The following NSG1 variants were observed in gnomAD, a reference collection of about 807,000 sequenced individuals.
NSG1 encodes neuronal vesicle trafficking-associated protein 1.
A neutral mutation model predicts 19.3 loss-of-function variants in NSG1; 9 were observed. The observed-to-expected ratio is 0.47, with a 90% CI of 0.28 to 0.81. The LOEUF is 0.81. Among genes scored for constraint, NSG1 ranks in the 40% least tolerant of loss-of-function variants. The pLI, the probability that NSG1 is intolerant of heterozygous loss-of-function variation, is 0.11. For synonymous variants in NSG1, 104 were observed against 107.0 expected (o/e 0.97, Z 0.17); for missense variants, 236 against 242.4 (o/e 0.97, Z 0.18).
chr4:4,392,379 A>T (rs1209031183), intron 3 of NSG1, among the ~76,000 whole-genome samples: 1 of 152,118 alleles, frequency 6.6e-6, no homozygotes, highest in Admixed American at 6.5e-5. Flanking sequence ...GAATTGAGAG[A>T]CATCAGTGGG....
At chr4:4,392,987 C>G (rs1302736641) in intron 3 of NSG1, among the ~76,000 whole-genome samples, 1 of 152,144 alleles carries the variant, frequency 6.6e-6, no homozygotes, top group African/African-American at 2.4e-5. Context: ...CAATACCTGT[C>G]TTCTGCGCTG....
At chr4:4,406,058 C>T (rs185088515) in intron 3 of NSG1, among the ~76,000 whole-genome samples, 193 of 152,286 alleles carry the variant, frequency 1.3e-3, no homozygotes, top group African/African-American at 4.5e-3. Flanking sequence ...GACGGAGTCT[C>T]ACTCTGTTGC....
At chr4:4,400,860 A>T (rs1415873238) in intron 3 of NSG1, among the ~76,000 whole-genome samples, 1 of 152,236 alleles carries the variant, frequency 6.6e-6, no homozygotes, top group Non-Finnish European at 1.5e-5. Flanking sequence ...TATCTATCAC[A>T]AATTTATATT....
chr4:4,410,220 G>C (rs1178033309), intron 4 of NSG1, among the ~76,000 whole-genome samples: 3 of 152,182 alleles, frequency 2.0e-5, no homozygotes. Context: ...AGCCACACTG[G>C]TGCTGGGCTC....
chr4:4,395,874 T>C (rs1338555377), intron 3 of NSG1, among the ~76,000 whole-genome samples: 2 of 152,242 alleles, frequency 1.3e-5, no homozygotes, highest in Non-Finnish European at 2.9e-5. Context: ...CTCATCTTTA[T>C]AGGCGTTTGG....
At chr4:4,390,676 A>G (rs1018682490) in intron 2 of NSG1, among the ~76,000 whole-genome samples, 1 of 152,170 alleles carries the variant, frequency 6.6e-6, no homozygotes, top group African/African-American at 2.4e-5. Context: ...CCTGCTCTTG[A>G]ACACCTCCCA....
intron 3 of NSG1, among the ~76,000 whole-genome samples, chr4:4,406,862 C>T (rs578082003): frequency 2.0e-5 from 3 of 152,334 alleles, no homozygotes; most frequent in African/African-American, 4.8e-5. Flanking sequence ...CGGCTATCAT[C>T]GCCAGGCAGC....
chr4:4,406,968 G>C (rs2108746523), intron 3 of NSG1, among the ~76,000 whole-genome samples: 1 of 152,356 alleles, frequency 6.6e-6, no homozygotes, highest in East Asian at 1.9e-4. Flanking sequence ...CTTCATCACA[G>C]CTCTGCGCTC....
upstream of NSG1, chr4:4,386,844 C>T (rs1303241264): frequency 6.6e-6 from 1 of 152,224 alleles, no homozygotes; most frequent in African/African-American, 2.4e-5. Context: ...GGCGCGTCCT[C>T]TCCCGCTCCC....
intron 3 of NSG1, among the ~76,000 whole-genome samples, chr4:4,395,700 C>T (rs989865356): frequency 2.6e-5 from 4 of 152,206 alleles, no homozygotes; most frequent in Non-Finnish European, 4.4e-5. Flanking sequence ...CCTCGTCCCA[C>T]TAGTGACTGG....
chr4:4,401,029 T>A (rs929437167), intron 3 of NSG1, among the ~76,000 whole-genome samples: 1 of 152,204 alleles, frequency 6.6e-6, no homozygotes, highest in Non-Finnish European at 1.5e-5. Flanking sequence ...CTGCACCCGC[T>A]GCTCCAGTGC....
At chr4:4,396,019 G>A (rs928814414) in intron 3 of NSG1, among the ~76,000 whole-genome samples, 6 of 152,178 alleles carry the variant, frequency 3.9e-5, no homozygotes, top group East Asian at 1.9e-4. Flanking sequence ...GAGAGACTCC[G>A]CCACACGGGA....
At chr4:4,400,295 C>T (rs192228320) in intron 3 of NSG1, among the ~76,000 whole-genome samples, 1 of 152,276 alleles carries the variant, frequency 6.6e-6, no homozygotes, top group Admixed American at 6.5e-5. Context: ...TTTCTGGACT[C>T]TCAATTGTAT....
intron 3 of NSG1, among the ~76,000 whole-genome samples, chr4:4,406,051 G>A (rs180695183): frequency 1.3e-5 from 2 of 151,802 alleles, no homozygotes; most frequent in Non-Finnish European, 2.9e-5. Context: ...TTTTTGAGAC[G>A]GAGTCTCACT....
At chr4:4,395,635 T>A (rs1284345300) in intron 3 of NSG1, among the ~76,000 whole-genome samples, 1 of 152,134 alleles carries the variant, frequency 6.6e-6, no homozygotes, top group African/African-American at 2.4e-5. Flanking sequence ...CCTCCCTGGC[T>A]TGTGTACCCC....
intron 3 of NSG1, among the ~76,000 whole-genome samples, chr4:4,397,039 C>CTCTGTGTGTG (rs113275336): frequency 6.7e-6 from 1 of 150,038 alleles, no homozygotes; most frequent in Non-Finnish European, 1.5e-5. Flanking sequence ...GTTCAGTCAT[C>CTCTGTGTGTG]TGTGTGTGTG....
intron 4 of NSG1, among the ~76,000 whole-genome samples, chr4:4,413,978 G>A (rs558652716): frequency 6.6e-6 from 1 of 152,108 alleles, no homozygotes; most frequent in East Asian, 1.9e-4. Flanking sequence ...GCAGGCCCAG[G>A]AGCTGGCCCT....
At chr4:4,388,517 G>C (rs2108718801) in intron 2 of NSG1, among the ~76,000 whole-genome samples, 1 of 152,330 alleles carries the variant, frequency 6.6e-6, no homozygotes, top group South Asian at 2.1e-4. Flanking sequence ...AATGTAAATA[G>C]ATCTTTGCAT....
chr4:4,387,485 A>C, intron 1 of NSG1, 119 bp from the exon 2 acceptor site: 1 of 653,400 alleles, frequency 1.5e-6, no homozygotes, highest in East Asian at 2.9e-5. Context: ...CCTCCCCGAG[A>C]CGAAGCGGGG....
Sources: gnomAD v4.1 joint callset for allele counts (sites outside exome capture counted in the v4.1 genomes callset) on GRCh38, gnomAD v4.1.1 for gene constraint, MANE v1.5 for transcripts, NCBI Gene and HGNC (gene_info 2026-07-23, HGNC 2026-07-21) for gene names.